CD109: variants seen among roughly 807,000 people sequenced by gnomAD.
The protein encoded by CD109 is CD109 molecule.
CD109 carries 149 observed loss-of-function variants against 165.8 expected under a neutral mutation model. The observed-to-expected ratio is 0.90, with a 90% CI of 0.79 to 1.03. The LOEUF is 1.03. Among genes scored for constraint, CD109 ranks in the 50% least tolerant of loss-of-function variants. The pLI, the probability that CD109 is intolerant of heterozygous loss-of-function variation, is 0.00. For missense variants in CD109, 1,712 were observed against 1,677.8 expected (o/e 1.02, Z -0.36); for synonymous variants, 585 against 592.1 (o/e 0.99, Z 0.18).
chr6:73,800,150 C>T (rs763862477), intron 23 of CD109, among the ~76,000 whole-genome samples: 3 of 152,172 alleles, frequency 2.0e-5, no homozygotes, highest in East Asian at 1.9e-4. Flanking sequence ...TGAACCTTGG[C>T]GCCTCGCCTC....
At position 73,810,052 on chromosome 6, in the gene CD109, A is replaced by G; in HGVS notation, c.3424A>G (p.Ile1142Val). ...SDSWQPRSLD[I>V]EVAAYALLSH... Reference sequence around the variant, plus strand: ...CTCCTGGCAGCCACGCTCCCTGGATATTGAAGTTGCAGCCTATGCACTGCT... The same window carrying G: ...CTCCTGGCAGCCACGCTCCCTGGATGTTGAAGTTGCAGCCTATGCACTGCT... Residue 1142 changes from isoleucine to valine, a missense_variant, in exon 27 of 33, where the codon ATT (isoleucine) becomes GTT (valine). By Grantham distance (29) the Ile-to-Val change is conservative (BLOSUM62 3). Transcript: ENST00000287097. The G allele has an allele frequency of 6.2e-7, 1 of 1,607,254 alleles. No individual in the cohort carries two copies. Among genetic ancestry groups the G allele is most frequent in the Non-Finnish European group, 8.5e-7 (1 of 1,177,888 alleles).
At chr6:73,718,742 A>G (rs1771836838) in intron 2 of CD109, among the ~76,000 whole-genome samples, 1 of 152,106 alleles carries the variant, frequency 6.6e-6, no homozygotes, top group Non-Finnish European at 1.5e-5. Flanking sequence ...AATAAGGGTA[A>G]TAATACTTAA....
chr6:73,755,445 G>A (rs1477483740), intron 5 of CD109, among the ~76,000 whole-genome samples: 7 of 152,132 alleles, frequency 4.6e-5, no homozygotes, highest in Admixed American at 2.6e-4. Flanking sequence ...GTGAACTATG[G>A]CCTTCTTTTA....
intron 5 of CD109, among the ~76,000 whole-genome samples, chr6:73,755,789 G>C (rs1398244854): frequency 4.3e-5 from 6 of 139,818 alleles, no homozygotes; most frequent in Non-Finnish European, 9.4e-5. Context: ...GCAAAATCCT[G>C]TTCTACTTAA....
chr6:73,763,628 CATT>C lies in CD109; in HGVS notation c.1051_1053del (p.Ile351del), dbSNP rs767739035. 14 of 1,596,388 alleles carry C rather than the reference CATT, an allele frequency of 8.8e-6. No individual in the cohort carries two copies. The East Asian group carries it at 1.1e-4, about 13-fold the overall frequency. ...TGTTCTTCAAGCAACATGATTACAT[CATT>C]GAGTTTTTTGATTATACTACTGTCT... On this transcript the variant is annotated inframe_deletion, in exon 10 of 33. Coordinates refer to ENST00000287097, the MANE Select transcript of CD109 (RefSeq NM_133493.5).
intron 23 of CD109, among the ~76,000 whole-genome samples, chr6:73,797,778 A>G (rs1775217095): frequency 6.6e-6 from 1 of 152,188 alleles, no homozygotes; most frequent in Non-Finnish European, 1.5e-5. Context: ...TATCCCAAAG[A>G]AAATTCATAA....
rs916401060 is a variant in CD109 at position 73,768,335 on chromosome 6, A to C, written c.1674+104A>C. ...GTATCATTAAGCCAAACTGGTTAGA[A>C]ATTTATATTATTCTATTTCTAGAAC... is the stretch of plus-strand genomic sequence containing the variant. On this transcript the variant is annotated intron_variant, in intron 14 of 32. Coordinates refer to ENST00000287097, the MANE Select transcript of CD109 (RefSeq NM_133493.5). 1.2e-5 allele frequency: 8 copies of C among 670,208 alleles called. No homozygotes were observed. The Admixed American group carries it at 2.5e-4, about 21-fold the overall frequency. The allele number at this position is 670,208 out of a possible 1,614,324, so 41.5% of individuals were successfully genotyped here.
At chr6:73,784,505 C>A (rs73755036) in intron 19 of CD109, among the ~76,000 whole-genome samples, 4,113 of 152,214 alleles carry the variant, frequency 0.027, 182 homozygotes, top group African/African-American at 0.092. Context: ...TTTTCATTGT[C>A]TGGGGCTGTC....
At chr6:73,793,164 G>A (rs1486224881) in intron 23 of CD109, among the ~76,000 whole-genome samples, 5 of 152,092 alleles carry the variant, frequency 3.3e-5, no homozygotes, top group East Asian at 3.8e-4. Flanking sequence ...ATCAGTTTTC[G>A]TGCCAAGAAA....
chr6:73,699,555 T>G (rs77525646), intron 2 of CD109, among the ~76,000 whole-genome samples: 1 of 152,158 alleles, frequency 6.6e-6, no homozygotes, highest in Non-Finnish European at 1.5e-5. Context: ...TCTTTTTTTT[T>G]GCAACAAATA....
At chr6:73,700,402 C>G (rs1230659380) in intron 2 of CD109, among the ~76,000 whole-genome samples, 1 of 151,986 alleles carries the variant, frequency 6.6e-6, no homozygotes, top group Admixed American at 6.6e-5. Flanking sequence ...TGAGCCACCC[C>G]CAGCCCCCCA....
the CD109 span, among the ~76,000 whole-genome samples, chr6:73,686,131 C>T: frequency 6.6e-6 from 1 of 152,188 alleles, no homozygotes; most frequent in Non-Finnish European, 1.5e-5. Context: ...AACTGTCTTT[C>T]CTACCTTCTT....
intron 15 of CD109, among the ~76,000 whole-genome samples, chr6:73,778,111 A>G (rs1251557451): frequency 6.6e-6 from 1 of 152,148 alleles, no homozygotes; most frequent in African/African-American, 2.4e-5. Flanking sequence ...TTCTCCTTGT[A>G]GAGATCTTTT....
chr6:73,788,709 TA>T, intron 22 of CD109, 97 bp downstream of exon 22: 1 of 1,110,692 alleles, frequency 9.0e-7, no homozygotes, highest in Non-Finnish European at 1.3e-6. Flanking sequence ...TGAGTCCTAA[TA>T]AGAAGAGATG....
intron 2 of CD109, chr6:73,723,038 T>C (rs1772017648): frequency 2.7e-6 from 2 of 740,186 alleles, no homozygotes; most frequent in Admixed American, 6.3e-5. Flanking sequence ...TGCCCACTGA[T>C]ACCCTTTTAA....
upstream of CD109, among the ~76,000 whole-genome samples, chr6:73,693,470 G>A (rs1240324996): frequency 6.6e-6 from 1 of 152,210 alleles, no homozygotes; most frequent in East Asian, 1.9e-4. Flanking sequence ...CAACACTGGG[G>A]ATCAAATTTC....
chr6:73,803,845 G>A (rs1489874052), intron 24 of CD109: 1 of 154,962 alleles, frequency 6.5e-6, no homozygotes, highest in African/African-American at 2.4e-5. Flanking sequence ...CTCAGAAAAA[G>A]ATTGACTCAC....
intron 4 of CD109, among the ~76,000 whole-genome samples, chr6:73,735,727 G>T (rs1772516330): frequency 6.6e-6 from 1 of 152,104 alleles, no homozygotes; most frequent in African/African-American, 2.4e-5. Context: ...ATCATGCACT[G>T]GTGCTGTAAT....
intron 2 of CD109, among the ~76,000 whole-genome samples, chr6:73,698,917 T>C (rs1374227720): frequency 6.6e-6 from 1 of 152,228 alleles, no homozygotes; most frequent in African/African-American, 2.4e-5. Flanking sequence ...ATGGAAATAA[T>C]GAAACTGATT....
Sources: allele counts gnomAD v4.1 joint callset (sites outside exome capture counted in the v4.1 genomes callset), GRCh38; gene constraint gnomAD v4.1.1; transcripts MANE v1.5; gene names NCBI Gene and HGNC (gene_info 2026-07-23, HGNC 2026-07-21).